NPAS3: variants seen among roughly 807,000 people sequenced by gnomAD.
NPAS3 encodes the protein neuronal PAS domain-containing protein 3.
Under a neutral mutation model 73.1 loss-of-function variants are expected in NPAS3, and 14 were observed. The ratio of observed to expected loss-of-function variants is 0.19; its 90% confidence interval spans 0.13 to 0.30. The LOEUF is 0.30. NPAS3 is among the 10% of genes least tolerant of loss of function. The probability of loss-of-function intolerance (pLI) is 1.00; values close to 1 mark genes in which losing one functional copy is unlikely to be tolerated. For missense variants in NPAS3, 1,096 were observed against 1,250.0 expected, an observed-to-expected ratio of 0.88 and a Z score of 1.86; for synonymous variants, 620 against 541.5, an observed-to-expected ratio of 1.14 and a Z score of -2.01.
chr14:33,253,253 C>T (rs367556043), intron 3 of NPAS3, among the ~76,000 whole-genome samples: 1 of 152,040 alleles, frequency 6.6e-6, no homozygotes, highest in South Asian at 2.1e-4. Context: ...TATAAATGTT[C>T]CCTTTTCTCC....
chr14:33,001,873 C>T (rs1208813617), intron 1 of NPAS3, among the ~76,000 whole-genome samples: 1 of 152,132 alleles, frequency 6.6e-6, no homozygotes, highest in Non-Finnish European at 1.5e-5. Context: ...TCAGCCTGTA[C>T]CTAAAGAATC....
chr14:33,758,080 T>G (rs1019724182), intron 7 of NPAS3, among the ~76,000 whole-genome samples: 5 of 152,212 alleles, frequency 3.3e-5, no homozygotes, highest in African/African-American at 1.2e-4. Flanking sequence ...TAATCCTTTC[T>G]TCAGAATTCT....
intron 1 of NPAS3, among the ~76,000 whole-genome samples, chr14:32,975,855 A>AG (rs2037645813): frequency 1.5e-5 from 2 of 130,178 alleles, no homozygotes; most frequent in South Asian, 5.6e-4. Context: ...GTTGGTGGTG[A>AG]GGGGCGTGTG....
At chr14:33,598,066 T>C (rs1004762547) in intron 5 of NPAS3, among the ~76,000 whole-genome samples, 1 of 152,184 alleles carries the variant, frequency 6.6e-6, no homozygotes, top group Non-Finnish European at 1.5e-5. Context: ...TGTGATTTCA[T>C]GAGTGGATAG....
chr14:33,787,524 T>A (rs1391454298), intron 9 of NPAS3, among the ~76,000 whole-genome samples: 1 of 150,946 alleles, frequency 6.6e-6, no homozygotes, highest in Non-Finnish European at 1.5e-5. Flanking sequence ...AGGTCTTCTG[T>A]CCTTAAGCTC....
At chr14:33,536,398 TAG>T (rs752291232) in intron 4 of NPAS3, among the ~76,000 whole-genome samples, 2 of 152,220 alleles carry the variant, frequency 1.3e-5, no homozygotes, top group Admixed American at 6.5e-5. Flanking sequence ...AGTAGAAGAA[TAG>T]AGTCATAATT....
chr14:33,605,271 C>T (rs1006003980), intron 5 of NPAS3, among the ~76,000 whole-genome samples: 1 of 151,704 alleles, frequency 6.6e-6, no homozygotes, highest in African/African-American at 2.4e-5. Context: ...ACGGAATGCC[C>T]TTCCGCCATC....
chr14:33,742,957 A>G (rs2061690947), intron 7 of NPAS3, among the ~76,000 whole-genome samples: 1 of 152,068 alleles, frequency 6.6e-6, no homozygotes, highest in South Asian at 2.1e-4. Context: ...CAATTCAGTC[A>G]CATCCTCAAG....
chr14:33,065,706 G>T lies in NPAS3; in HGVS notation c.140+9712G>T, dbSNP rs1595366262. ...CAGTTATAAAGGATCTCTGGGCCTT[G>T]CTCTTTGCTTGTTCTCATGTGTTAC... On this transcript the variant is annotated intron_variant, in intron 2 of 11. Coordinates refer to ENST00000356141, the Ensembl canonical transcript of NPAS3. 2.0e-5 allele frequency among the ~76,000 whole-genome samples: 3 copies of T among 151,986 alleles called. No homozygotes were observed. The South Asian group carries it at 6.2e-4, about 32-fold the overall frequency.
intron 8 of NPAS3, among the ~76,000 whole-genome samples, chr14:33,776,207 G>A (rs950808401): frequency 6.6e-6 from 1 of 152,098 alleles, no homozygotes; most frequent in Non-Finnish European, 1.5e-5. Context: ...TAAAAATGTA[G>A]AATGCTGGAG....
intron 3 of NPAS3, among the ~76,000 whole-genome samples, chr14:33,225,418 A>G (rs992381698): frequency 1.3e-5 from 2 of 152,216 alleles, no homozygotes; most frequent in South Asian, 4.1e-4. Context: ...CAAGGTTAGA[A>G]AGCCAAGACA....
chr14:33,407,172 G>C (rs1488301934), intron 4 of NPAS3, among the ~76,000 whole-genome samples: 1 of 152,116 alleles, frequency 6.6e-6, no homozygotes, highest in Admixed American at 6.6e-5. Flanking sequence ...CACACAACTG[G>C]GTGATCTGTG....
chr14:33,605,330 A>G (rs1233867176), intron 5 of NPAS3, among the ~76,000 whole-genome samples: 1 of 151,688 alleles, frequency 6.6e-6, no homozygotes. Context: ...CTTTAATGTG[A>G]CATTGCCTAG....
At chr14:33,280,885 G>A (rs544982174) in intron 3 of NPAS3, among the ~76,000 whole-genome samples, 2 of 152,238 alleles carry the variant, frequency 1.3e-5, no homozygotes, top group South Asian at 2.1e-4. Context: ...CATCATTAGC[G>A]TGTCATGCAG....
intron 1 of NPAS3, among the ~76,000 whole-genome samples, chr14:33,000,344 G>C (rs2038760195): frequency 6.6e-6 from 1 of 152,144 alleles, no homozygotes; most frequent in Admixed American, 6.5e-5. Flanking sequence ...AAGTGTGGCA[G>C]GTTGTTTAGC....
chr14:33,371,177 T>A (rs2046071184), intron 4 of NPAS3, among the ~76,000 whole-genome samples: 1 of 152,112 alleles, frequency 6.6e-6, no homozygotes, highest in Non-Finnish European at 1.5e-5. Flanking sequence ...GAGGAAGGAA[T>A]AGTAATAATG....
intron 1 of NPAS3, among the ~76,000 whole-genome samples, chr14:33,024,727 A>G (rs939150911): frequency 6.6e-6 from 1 of 152,218 alleles, no homozygotes; most frequent in African/African-American, 2.4e-5. Flanking sequence ...AAATACACCA[A>G]TGAAAATGTT....
At chr14:33,802,103 T>A (rs919598288), downstream of NPAS3, 1 of 152,192 alleles carries the variant, frequency 6.6e-6, no homozygotes, top group Non-Finnish European at 1.5e-5. Flanking sequence ...TTTGTTTAGC[T>A]TTTTGTTTTC....
At chr14:33,791,241 C>A (rs1237869161) in intron 9 of NPAS3, among the ~76,000 whole-genome samples, 1 of 152,198 alleles carries the variant, frequency 6.6e-6, no homozygotes, top group Non-Finnish European at 1.5e-5. Context: ...AGGGCTATCA[C>A]GTGGCTCCCC....
Sources: gnomAD v4.1 joint callset for allele counts (sites outside exome capture counted in the v4.1 genomes callset) on GRCh38, gnomAD v4.1.1 for gene constraint, MANE v1.5 for transcripts, NCBI Gene and HGNC (gene_info 2026-07-23, HGNC 2026-07-21) for gene names.